The following ZNF420 variants were observed in gnomAD, a reference collection of about 807,000 sequenced individuals.
The protein encoded by ZNF420 is zinc finger protein 420.
Under a neutral mutation model 44.7 loss-of-function variants are expected in ZNF420, and 31 were observed. The ratio of observed to expected loss-of-function variants is 0.69; its 90% CI spans 0.52 to 0.94. The LOEUF (loss-of-function observed/expected upper bound fraction) is 0.94, where lower values mean the gene tolerates loss of function less well. Ranked by LOEUF, ZNF420 falls within the 40% of genes least tolerant of loss-of-function variation. The probability of loss-of-function intolerance (pLI) is 0.00; values close to 1 mark genes in which losing one functional copy is unlikely to be tolerated. For synonymous variants in ZNF420, 245 were observed against 267.4 expected, an observed-to-expected ratio of 0.92 and a Z score of 0.82; for missense variants, 681 against 827.9, an observed-to-expected ratio of 0.82 and a Z score of 2.18.
In ZNF420 at chr19:37,069,807, C is replaced by T. The variant is rs117967186; in HGVS notation, c.-124-10538C>T. Among the ~76,000 whole-genome samples, 949 of 151,864 alleles carry T rather than the reference C, an allele frequency of 6.2e-3. 29 individuals carry two copies. The highest frequency in any genetic ancestry group is 0.05 in the East Asian group (259 of 5,174). ...GTAGGATGCAGCTAAAGTTGGACCT[C>T]GAGGAAAAGTTATAACCTTACCAGT... is the stretch of plus-strand genomic sequence containing the variant. On this transcript the variant is annotated intron_variant, in intron 1 of 4. Transcript: ENST00000587029.
At chr19:37,047,074 G>A (rs2146418032) in intron 1 of ZNF420, among the ~76,000 whole-genome samples, 1 of 151,712 alleles carries the variant, frequency 6.6e-6, no homozygotes, top group Non-Finnish European at 1.5e-5. Context: ...GGATGAAATA[G>A]GAGCCAATGT....
chr19:37,081,868 T>G (rs1968484821), intron 2 of ZNF420, among the ~76,000 whole-genome samples: 1 of 151,820 alleles, frequency 6.6e-6, no homozygotes, highest in African/African-American at 2.4e-5. Flanking sequence ...TTTGATGCTC[T>G]GTTATTAGGT....
intron 4 of ZNF420, among the ~76,000 whole-genome samples, chr19:37,104,954 T>C (rs1478919325): frequency 2.0e-5 from 3 of 152,218 alleles, no homozygotes; most frequent in Admixed American, 2.0e-4. Flanking sequence ...AGGTTGCCTG[T>C]TCACTCTGTT....
intron 4 of ZNF420, 29 bp downstream of exon 4, chr19:37,091,150 A>T (rs535344966): frequency 1.3e-6 from 2 of 1,519,374 alleles, no homozygotes; most frequent in Non-Finnish European, 1.8e-6. Context: ...ATATTTCAGG[A>T]TCTACCTTTG....
Position 37,087,298 on chromosome 19 carries a change from T to TAA in ZNF420, c.-80-1739_-80-1738dup, listed in dbSNP as rs1310130432. ...ACCCTGTCTCAAAAAAAAAAATAAA[T>TAA]AAATAAATAAATAAATAAATAAATA... On this transcript the variant is annotated intron_variant, in intron 2 of 4. Coordinates refer to ENST00000337995, the MANE Select transcript of ZNF420 (RefSeq NM_144689.5). 3.3e-4 allele frequency among the ~76,000 whole-genome samples: 35 copies of TAA among 106,486 alleles called. 1 individual carries two copies. The East Asian group carries it at 5.6e-3, about 17-fold the overall frequency. 69.9% of individuals were successfully genotyped at this position (106,486 alleles called of 152,430 possible).
chr19:37,109,809 T>G (rs1970287835), intron 4 of ZNF420: 1 of 152,180 alleles, frequency 6.6e-6, no homozygotes, highest in Admixed American at 6.5e-5. Context: ...GGGCTATTCT[T>G]TTTTTTACCA....
chr19:37,128,361 G>C lies in ZNF420; in HGVS notation c.1370G>C (p.Ser457Thr). ...TGTAAAGAATGTGGAAAAACCTTTAGTCGTGGCTCAGAACTTACTCAACAT... is the reference window on the plus strand; with the variant it reads ...TGTAAAGAATGTGGAAAAACCTTTACTCGTGGCTCAGAACTTACTCAACAT... ...YECKECGKTF[S>T]RGSELTQHER... The change falls in exon 5 of 5, where the codon AGT (serine) becomes ACT (threonine). Residue 457 changes from serine to threonine, a missense_variant. Ser to Thr is a moderately conservative substitution (Grantham distance 58, BLOSUM62 1). Transcript: ENST00000337995. The C allele has an allele frequency of 1.2e-6, 2 of 1,613,670 alleles. No homozygotes were observed. Among genetic ancestry groups the C allele is most frequent in the Non-Finnish European group, 8.5e-7 (1 of 1,179,892 alleles).
At chr19:37,070,148 T>C (rs548670638) in intron 1 of ZNF420, among the ~76,000 whole-genome samples, 13 of 152,246 alleles carry the variant, frequency 8.5e-5, no homozygotes, top group African/African-American at 3.1e-4. Context: ...CATACACATA[T>C]AATAATCCAA....
intron 4 of ZNF420, chr19:37,108,400 T>C (rs1462997480): frequency 6.6e-6 from 1 of 152,230 alleles, no homozygotes; most frequent in African/African-American, 2.4e-5. Context: ...CAATTGAAAG[T>C]TGAATCAATG....
At position 37,128,586 on chromosome 19, in the gene ZNF420, T is replaced by C. The variant is rs1423843928; in HGVS notation, c.1595T>C (p.Val532Ala). Residue 532 changes from valine (V) to alanine (A), a missense_variant, in exon 5 of 5, where the codon GTG (valine) becomes GCG (alanine). By Grantham distance (64) the Val-to-Ala change is moderately conservative. Around this residue, in one of 3 missense-constraint regions of ZNF420, gnomAD observed 280 missense variants for 338.6 expected, o/e 0.83. Transcript: ENST00000337995. ...CTTCACACTGGTGAGAAACCCTATG[T>C]GTGTAATGAATGTGGAAAGGCCTTT... The part of the protein sequence containing the change: ...QRLHTGEKPY[V>A]CNECGKAFAR... The C allele has an allele frequency of 6.2e-7, 1 of 1,612,604 alleles. No individual in the cohort carries two copies. The highest frequency in any genetic ancestry group is 1.7e-5 in the Admixed American group (1 of 59,890).
chr19:37,027,746 A>G (rs1967182527), intron 1 of ZNF420, among the ~76,000 whole-genome samples: 1 of 152,162 alleles, frequency 6.6e-6, no homozygotes, highest in Non-Finnish European at 1.5e-5. Flanking sequence ...ATGTCTTTCC[A>G]TGCCTTGGTG....
At position 37,129,937 on chromosome 19, in the gene ZNF420, C is replaced by A; in HGVS notation, c.*879C>A. ...ATAACTGATATTACAGACTATTTTG[C>A]AATGAAAAATGATGAGAGTTTGTGA... On this transcript the variant is annotated 3_prime_UTR_variant, in exon 5 of 5. Transcript: ENST00000337995. The A allele has an allele frequency of 7.3e-7, 1 of 1,372,702 alleles. No individual in the cohort carries two copies. Among genetic ancestry groups the A allele is most frequent in the South Asian group, 1.8e-5 (1 of 57,048 alleles). 85.0% of individuals were successfully genotyped at this position (1,372,702 alleles called of 1,614,324 possible). A position where few individuals can be genotyped will look rare whatever the true frequency, so the allele number is the denominator to read the frequency against.
chr19:37,039,772 G>A (rs1317295550), intron 1 of ZNF420, among the ~76,000 whole-genome samples: 2 of 151,570 alleles, frequency 1.3e-5, no homozygotes, highest in Non-Finnish European at 2.9e-5. Flanking sequence ...GTGATCTTGG[G>A]CAACTGCAGA....
chr19:37,128,637 A>G lies in ZNF420; in HGVS notation c.1646A>G (p.His549Arg), dbSNP rs1443760077. 2 of 1,614,170 alleles carry G rather than the reference A, an allele frequency of 1.2e-6. No individual in the cohort carries two copies. The highest frequency in any genetic ancestry group is 1.7e-6 in the Non-Finnish European group (2 of 1,179,996). Reference protein sequence around the residue: ...AFARGLLLIQHQRIHTGEKPY... With the variant: ...AFARGLLLIQRQRIHTGEKPY... The stretch of plus-strand genomic sequence containing the variant: ...GCGCGTGGCTTACTACTTATACAAC[A>G]TCAGAGAATTCATACTGGTGAGAAA... Residue 549 changes from histidine to arginine, a missense_variant, in exon 5 of 5, where the codon CAT (histidine) becomes CGT (arginine). By Grantham distance (29) the His-to-Arg change is conservative. Transcript: ENST00000337995.
intron 4 of ZNF420, among the ~76,000 whole-genome samples, chr19:37,124,671 TTTTC>T (rs1308874338): frequency 6.6e-6 from 1 of 152,150 alleles, no homozygotes; most frequent in Non-Finnish European, 1.5e-5. Context: ...TTTTTTTTCT[TTTTC>T]TTTTTTTATG....
intron 1 of ZNF420, among the ~76,000 whole-genome samples, chr19:37,009,488 C>T (rs2074552423): frequency 6.6e-6 from 1 of 152,182 alleles, no homozygotes; most frequent in African/African-American, 2.4e-5. Context: ...CTCGGTGACA[C>T]ACACTCACCC....
chr19:37,009,961 G>A (rs1478508426), intron 1 of ZNF420, among the ~76,000 whole-genome samples: 1 of 152,048 alleles, frequency 6.6e-6, no homozygotes, highest in East Asian at 1.9e-4. Flanking sequence ...ACTTGATCCC[G>A]GATTCAGCCA....
At chr19:37,125,171 T>G (rs965583906) in intron 4 of ZNF420, among the ~76,000 whole-genome samples, 2 of 152,118 alleles carry the variant, frequency 1.3e-5, no homozygotes, top group African/African-American at 4.8e-5. Flanking sequence ...CAACATTCCA[T>G]GAGATTATAG....
At chr19:37,126,187 G>T (rs374666317) in intron 4 of ZNF420, among the ~76,000 whole-genome samples, 1 of 152,158 alleles carries the variant, frequency 6.6e-6, no homozygotes, top group East Asian at 1.9e-4. Flanking sequence ...TAGAAGGTTG[G>T]TCTAAATTAC....
Sources: allele counts gnomAD v4.1 joint callset (sites outside exome capture counted in the v4.1 genomes callset), GRCh38; gene constraint gnomAD v4.1.1; regional missense constraint gnomAD v4.1.1; transcripts MANE v1.5; gene names NCBI Gene and HGNC (gene_info 2026-07-23, HGNC 2026-07-21).